The following PCDHGA6 variants were observed in gnomAD, a reference collection of about 807,000 sequenced individuals.
PCDHGA6 encodes the protein protocadherin gamma subfamily A, 6, also known as protocadherin gamma-A6.
PCDHGA6 carries 41 observed loss-of-function variants against 60.6 expected under a neutral mutation model. The observed-to-expected ratio is 0.68, with a 90% confidence interval of 0.53 to 0.88. The LOEUF (loss-of-function observed/expected upper bound fraction) is 0.88. Ranked by LOEUF, PCDHGA6 falls within the 40% of genes least tolerant of loss-of-function variation. PCDHGA6 has a pLI of 0.00. For missense variants in PCDHGA6, 1,312 were observed against 1,203.0 expected (o/e 1.09, Z -1.34); for synonymous variants, 594 against 524.4 (o/e 1.13, Z -1.81).
In PCDHGA6 at chr5:141,477,815, G is replaced by C; in HGVS notation, c.2425-16992G>C. On this transcript the variant is annotated intron_variant, in intron 1 of 3. Coordinates refer to ENST00000517434, the MANE Select transcript of PCDHGA6 (RefSeq NM_018919.3). The surrounding 1 kb of genome is among the most constrained non-coding windows in gnomAD (Gnocchi z 4.9). ...TGATCGCAATGACAATGCCCCCCAG[G>C]TCCTATATCCTCGGCCAGGTGGGAG... 1 of 1,614,106 alleles carries C rather than the reference G, an allele frequency of 6.2e-7. No homozygotes were observed. Among genetic ancestry groups the C allele is most frequent in the Non-Finnish European group, 8.5e-7 (1 of 1,180,034 alleles).
chr5:141,390,164 G>A (rs370376667), intron 1 of PCDHGA6: 200 of 1,613,888 alleles, frequency 1.2e-4, no homozygotes, highest in Non-Finnish European at 1.6e-4. Context: ...CAGGAAAGAC[G>A]GAGTTTAATT....
chr5:141,404,984 C>A (rs779919758), intron 1 of PCDHGA6: 1 of 1,614,034 alleles, frequency 6.2e-7, no homozygotes, highest in Middle Eastern at 1.6e-4. Flanking sequence ...CCTGGGCAGT[C>A]TTCAGATCCC....
chr5:141,468,809 T>A (rs1473677700), intron 1 of PCDHGA6, among the ~76,000 whole-genome samples: 1 of 151,850 alleles, frequency 6.6e-6, no homozygotes, highest in Admixed American at 6.6e-5. Flanking sequence ...GAACTTGCAG[T>A]GAGCCAAGAT....
intron 1 of PCDHGA6, among the ~76,000 whole-genome samples, chr5:141,438,349 C>G (rs892834423): frequency 6.6e-6 from 1 of 151,762 alleles, no homozygotes; most frequent in Non-Finnish European, 1.5e-5. Flanking sequence ...AGGATCTACT[C>G]TGTGTATTGT....
intron 1 of PCDHGA6, among the ~76,000 whole-genome samples, chr5:141,443,477 C>T (rs1279226136): frequency 6.6e-6 from 1 of 152,116 alleles, no homozygotes; most frequent in Non-Finnish European, 1.5e-5. Flanking sequence ...CAGAATTAGA[C>T]CCTGTCCCAA....
At chr5:141,434,784 A>T (rs967716221) in intron 1 of PCDHGA6, among the ~76,000 whole-genome samples, 11 of 150,278 alleles carry the variant, frequency 7.3e-5, no homozygotes, top group East Asian at 5.8e-4. Flanking sequence ...AAAAAAAAAA[A>T]TTTTTTTTTC....
intron 1 of PCDHGA6, chr5:141,384,038 G>T: frequency 6.2e-7 from 1 of 1,613,110 alleles, no homozygotes; most frequent in South Asian, 1.1e-5. Flanking sequence ...GGAAAGAATG[G>T]TGAGGTGACC....
intron 1 of PCDHGA6, among the ~76,000 whole-genome samples, chr5:141,420,710 G>A (rs2096519301): frequency 6.6e-6 from 1 of 152,186 alleles, no homozygotes; most frequent in South Asian, 2.1e-4. Flanking sequence ...TTCCAGAAAT[G>A]TCGTTCCTTT....
At chr5:141,454,203 T>C (rs981646952) in intron 1 of PCDHGA6, among the ~76,000 whole-genome samples, 2 of 152,148 alleles carry the variant, frequency 1.3e-5, no homozygotes, top group African/African-American at 4.8e-5. Flanking sequence ...GGTGAATTTA[T>C]TGACATGAAT....
At chr5:141,407,135 G>T (rs2094890312) in intron 1 of PCDHGA6, among the ~76,000 whole-genome samples, 1 of 151,812 alleles carries the variant, frequency 6.6e-6, no homozygotes, top group African/African-American at 2.4e-5. Context: ...TTATTTTTAA[G>T]AAAAAAAAGC....
chr5:141,392,242 G>A (rs1294476832), intron 1 of PCDHGA6: 1 of 152,134 alleles, frequency 6.6e-6, no homozygotes, highest in African/African-American at 2.4e-5. Context: ...TTAGTTATTT[G>A]TTAGTATATA....
At position 141,491,251 on chromosome 5, in the gene PCDHGA6, C is replaced by A; in HGVS notation, c.2425-3556C>A. On this transcript the variant is annotated intron_variant, in intron 1 of 3. Coordinates refer to ENST00000517434, the MANE Select transcript of PCDHGA6 (RefSeq NM_018919.3). This position sits in a 1 kb window ranked among gnomAD's most constrained non-coding sequence, Gnocchi z 6.9. ...GCTGCTGGTTCTGGAGGATGAGGAC[C>A]CTGAGGAAATGCCCAAATCCAGTGA... 6.2e-7 allele frequency: 1 copy of A among 1,614,144 alleles called. No homozygotes were observed. Among genetic ancestry groups the A allele is most frequent in the Non-Finnish European group, 8.5e-7 (1 of 1,180,016 alleles).
rs745778398 is a variant in PCDHGA6, at chr5:141,389,350, T to A, written c.2424+12843T>A. The A allele has an allele frequency of 1.6e-5, 26 of 1,613,964 alleles. No individual in the cohort carries two copies. Among genetic ancestry groups the A allele is most frequent in the Non-Finnish European group, 2.2e-5 (26 of 1,179,910 alleles). Reference sequence around the variant, plus strand: ...CCCAACGGCCAAGTCTCTTACTGCATCATGGCCAGTGACCTGGAGCAGCGG... The same window carrying A: ...CCCAACGGCCAAGTCTCTTACTGCAACATGGCCAGTGACCTGGAGCAGCGG... On this transcript the variant is annotated intron_variant, in intron 1 of 3. Coordinates refer to ENST00000517434, the MANE Select transcript of PCDHGA6 (RefSeq NM_018919.3).
rs369637121 is a variant in PCDHGA6 at position 141,388,619 on chromosome 5, C to G, written c.2424+12112C>G. ...ATAATGCTCCAGTGTTCAGTCAAGA[C>G]GTATACAGGGTGAGCCTTTCAGAAA... On this transcript the variant is annotated intron_variant, in intron 1 of 3. Transcript: ENST00000517434. 18 of 1,613,852 alleles carry G rather than the reference C, an allele frequency of 1.1e-5. No individual in the cohort carries two copies. The African/African-American group carries it at 1.7e-4, about 16-fold the overall frequency.
Position 141,375,627 on chromosome 5 carries a change from A to T in PCDHGA6, c.1544A>T (p.Tyr515Phe), listed in dbSNP as rs1561569034. The change falls in exon 1 of 4, where the codon TAC becomes TTC. Residue 515 changes from tyrosine to phenylalanine, a missense_variant. Coordinates refer to ENST00000517434, the MANE Select transcript of PCDHGA6 (RefSeq NM_018919.3). Reference protein sequence around the residue: ...VSINSDTGILYALRSFDYEQL... With the variant: ...VSINSDTGILFALRSFDYEQL... ...ATCAACTCCGACACTGGGATTCTGT[A>T]CGCCCTGCGCTCCTTCGACTATGAG... The T allele has an allele frequency of 6.2e-7, 1 of 1,614,066 alleles. No homozygotes were observed. Among genetic ancestry groups the T allele is most frequent in the Non-Finnish European group, 8.5e-7 (1 of 1,180,006 alleles).
intron 3 of PCDHGA6, among the ~76,000 whole-genome samples, chr5:141,508,792 CT>C (rs1475631459): frequency 6.6e-6 from 1 of 152,130 alleles, no homozygotes; most frequent in Non-Finnish European, 1.5e-5. Flanking sequence ...CTAAATCACT[CT>C]GGAATCCTGG....
Position 141,375,459 on chromosome 5 carries a change from T to A in PCDHGA6, c.1376T>A (p.Val459Asp), listed in dbSNP as rs775895246. The A allele has an allele frequency of 1.9e-6, 3 of 1,613,896 alleles. No homozygotes were observed. The highest frequency in any genetic ancestry group is 3.3e-5 in the Admixed American group (2 of 60,016). The change falls in exon 1 of 4, where the codon GTC (valine) becomes GAC (aspartate). Residue 459 changes from valine to aspartate, a missense_variant. By Grantham distance (152) the Val-to-Asp change is radical. Coordinates refer to ENST00000517434, the MANE Select transcript of PCDHGA6 (RefSeq NM_018919.3). ...ACCTTCCCCCATTCATCCTACTCAG[T>A]CTATGTCCTTGAAAACAACCCCAGG... is the stretch of plus-strand genomic sequence containing the variant. ...PPTFPHSSYS[V>D]YVLENNPRGA...
In PCDHGA6 at chr5:141,476,499, TC is replaced by T; in HGVS notation, c.2425-18307del. 1 of 1,614,110 alleles carries T rather than the reference TC, an allele frequency of 6.2e-7. No individual in the cohort carries two copies. Among genetic ancestry groups the T allele is most frequent in the Non-Finnish European group, 8.5e-7 (1 of 1,180,020 alleles). ...AGCGTGGAAGTGGTGATCCAGGACATCAACGACAACAATCCTGCTTTCCCTA... is the reference window on the plus strand; with the variant it reads ...AGCGTGGAAGTGGTGATCCAGGACATAACGACAACAATCCTGCTTTCCCTA... On this transcript the variant is annotated intron_variant, in intron 1 of 3. Transcript: ENST00000517434. The surrounding 1 kb of genome is among the most constrained non-coding windows in gnomAD (Gnocchi z 7.6).
chr5:141,438,789 G>C (rs970735448), intron 1 of PCDHGA6, among the ~76,000 whole-genome samples: 23 of 149,578 alleles, frequency 1.5e-4, no homozygotes, highest in African/African-American at 5.4e-4. Flanking sequence ...AGCCTCTCCA[G>C]TAGCTGGGAT....
Sources: gnomAD v4.1 joint callset for allele counts (sites outside exome capture counted in the v4.1 genomes callset) on GRCh38, gnomAD v4.1.1 for gene constraint, Gnocchi (gnomAD v3.1) non-coding constraint, MANE v1.5 for transcripts, NCBI Gene and HGNC (gene_info 2026-07-23, HGNC 2026-07-21) for gene names.